The following DTNA variants were observed in gnomAD, a reference collection of about 807,000 sequenced individuals.
DTNA encodes dystrobrevin alpha.
A neutral mutation model predicts 100.7 loss-of-function variants in DTNA; 43 were observed. The ratio of observed to expected loss-of-function variants is 0.43; its 90% CI spans 0.33 to 0.55. The LOEUF (loss-of-function observed/expected upper bound fraction) is 0.55. DTNA is among the 20% of genes least tolerant of loss of function. The probability of loss-of-function intolerance (pLI) is 0.04; values close to 1 mark genes in which losing one functional copy is unlikely to be tolerated. For synonymous variants in DTNA, 349 were observed against 347.9 expected, an observed-to-expected ratio of 1.00 and a Z score of -0.04; for missense variants, 798 against 953.9, an observed-to-expected ratio of 0.84 and a Z score of 2.15.
chr18:34,786,158 A>G (rs956645640), intron 3 of DTNA, among the ~76,000 whole-genome samples: 3 of 152,224 alleles, frequency 2.0e-5, no homozygotes, highest in African/African-American at 7.2e-5. Context: ...TCGTAGGAAC[A>G]AGACAATGCT....
In DTNA at chr18:34,890,598, A is replaced by G; in HGVS notation, c.*2864A>G. 1 of 1,099,550 alleles carries G rather than the reference A, an allele frequency of 9.1e-7. No individual in the cohort carries two copies. The highest frequency in any genetic ancestry group is 1.3e-6 in the Non-Finnish European group (1 of 791,514). The allele number at this position is 1,099,550 out of a possible 1,614,324, so 68.1% of individuals were successfully genotyped here. On this transcript the variant is annotated 3_prime_UTR_variant, in exon 23 of 23. Transcript: ENST00000444659. ...GGTCTAACACAGCCAACCCTCCTCC[A>G]CAGCGCCATATTAATGGAGGAGGGG... is the stretch of plus-strand genomic sequence containing the variant.
chr18:34,726,718 CGAG>C (rs2086780005), intron 1 of DTNA, among the ~76,000 whole-genome samples: 1 of 152,230 alleles, frequency 6.6e-6, no homozygotes, highest in South Asian at 2.1e-4. Flanking sequence ...AGACTGCCAC[CGAG>C]TGGCTGCTCT....
At position 34,835,638 on chromosome 18, in the gene DTNA, A is replaced by G. The variant is rs184422678; in HGVS notation, c.1176-2456A>G. ...CCTATCGCCCCCTTCTCTCAGCCCT[A>G]CCTGTACACAGTACTGAGGCTAGGG... is the stretch of plus-strand genomic sequence containing the variant. On this transcript the variant is annotated intron_variant, in intron 11 of 22. Coordinates refer to ENST00000444659, the MANE Select transcript of DTNA (RefSeq NM_001386795.1). Among the ~76,000 whole-genome samples, 195 of 152,130 alleles carry G rather than the reference A, an allele frequency of 1.3e-3. 2 individuals are homozygous for G. The highest frequency in any genetic ancestry group is 0.01 in the Middle Eastern group (3 of 294).
chr18:34,843,142 T>C (rs1030837247), intron 13 of DTNA, among the ~76,000 whole-genome samples: 9 of 151,996 alleles, frequency 5.9e-5, no homozygotes. Context: ...AATTAGAATT[T>C]TTACTATTTA....
chr18:34,668,334 T>C (rs1568169375), intron 1 of DTNA, among the ~76,000 whole-genome samples: 2 of 152,176 alleles, frequency 1.3e-5, no homozygotes, highest in Non-Finnish European at 2.9e-5. Flanking sequence ...TTATTAGTCT[T>C]GCTAGCGGTC....
At chr18:34,501,524 A>G (rs2039923680) in intron 1 of DTNA, among the ~76,000 whole-genome samples, 1 of 152,202 alleles carries the variant, frequency 6.6e-6, no homozygotes, top group African/African-American at 2.4e-5. Context: ...AAGAGATTAC[A>G]TAGGATTCAT....
At chr18:34,549,308 A>G (rs2045145926) in intron 1 of DTNA, among the ~76,000 whole-genome samples, 1 of 152,102 alleles carries the variant, frequency 6.6e-6, no homozygotes, top group Non-Finnish European at 1.5e-5. Context: ...GTTACAAGGA[A>G]TTTACATTAT....
chr18:34,887,907 C>G lies in DTNA; in HGVS notation c.*173C>G, dbSNP rs146475795. On this transcript the variant is annotated 3_prime_UTR_variant, in exon 23 of 23. Transcript: ENST00000444659. ...AACCACCACACCCAGCAGCTCCTGA[C>G]AGACCCCCACCCCTAAAGATGTGTC... is the stretch of plus-strand genomic sequence containing the variant. The G allele has an allele frequency of 6.8e-4, 674 of 986,844 alleles. 5 individuals carry two copies. In the African/African-American group the frequency reaches 0.011, roughly 16 times the overall value. The allele number at this position is 986,844 out of a possible 1,614,324, so 61.1% of individuals were successfully genotyped here.
intron 1 of DTNA, among the ~76,000 whole-genome samples, chr18:34,654,348 C>T (rs1308293942): frequency 6.6e-6 from 1 of 152,196 alleles, no homozygotes; most frequent in Non-Finnish European, 1.5e-5. Flanking sequence ...TACTGAGTGA[C>T]AGTCGTGTAC....
intron 1 of DTNA, among the ~76,000 whole-genome samples, chr18:34,644,489 A>C (rs1183373913): frequency 1.3e-5 from 2 of 152,148 alleles, no homozygotes; most frequent in East Asian, 3.8e-4. Context: ...AAACATTTAA[A>C]TCTTACTAGG....
At chr18:34,530,769 T>A (rs566761833) in intron 1 of DTNA, among the ~76,000 whole-genome samples, 1 of 152,248 alleles carries the variant, frequency 6.6e-6, no homozygotes, top group Non-Finnish European at 1.5e-5. Context: ...GAGCCAGAAT[T>A]CAAACCAAAG....
At chr18:34,686,099 C>G (rs2078856408) in intron 1 of DTNA, among the ~76,000 whole-genome samples, 1 of 152,152 alleles carries the variant, frequency 6.6e-6, no homozygotes, top group Non-Finnish European at 1.5e-5. Flanking sequence ...GATAATTTGA[C>G]TTCCTGTCTT....
At chr18:34,707,673 T>A (rs2082286264), upstream of DTNA, among the ~76,000 whole-genome samples, 1 of 152,148 alleles carries the variant, frequency 6.6e-6, no homozygotes, top group Admixed American at 6.5e-5. Flanking sequence ...AGGTAAACAC[T>A]CCTGATGAAA....
At chr18:34,734,700 C>A (rs1829032800) in intron 1 of DTNA, among the ~76,000 whole-genome samples, 1 of 152,134 alleles carries the variant, frequency 6.6e-6, no homozygotes, top group Non-Finnish European at 1.5e-5. Context: ...TTAGAAGTAA[C>A]CAACCAGCTT....
chr18:34,655,353 G>A (rs1043777782), intron 1 of DTNA, among the ~76,000 whole-genome samples: 1 of 151,990 alleles, frequency 6.6e-6, no homozygotes, highest in Non-Finnish European at 1.5e-5. Context: ...AGCCCACCAA[G>A]GCCTCCTCCC....
At chr18:34,842,755 C>G (rs1255491092) in intron 13 of DTNA, among the ~76,000 whole-genome samples, 2 of 152,178 alleles carry the variant, frequency 1.3e-5, no homozygotes, top group Non-Finnish European at 2.9e-5. Flanking sequence ...GACACCTCCC[C>G]CAGTAGGTCC....
At chr18:34,638,360 A>G (rs754709684) in intron 1 of DTNA, among the ~76,000 whole-genome samples, 7 of 152,254 alleles carry the variant, frequency 4.6e-5, no homozygotes, top group Non-Finnish European at 7.3e-5. Context: ...GACAAGTGCT[A>G]TAATTATTTC....
chr18:34,807,095 A>T (rs945593911), intron 5 of DTNA, among the ~76,000 whole-genome samples: 1 of 152,188 alleles, frequency 6.6e-6, no homozygotes, highest in African/African-American at 2.4e-5. Context: ...TCTGGGTCCC[A>T]CCCCAAGAAT....
intron 1 of DTNA, among the ~76,000 whole-genome samples, chr18:34,517,786 C>G (rs1407599863): frequency 1.3e-5 from 2 of 152,066 alleles, no homozygotes; most frequent in Non-Finnish European, 2.9e-5. Context: ...ATAGTTCATT[C>G]CTTTTAATTT....
Sources: gnomAD v4.1 joint callset for allele counts (sites outside exome capture counted in the v4.1 genomes callset) on GRCh38, gnomAD v4.1.1 for gene constraint, MANE v1.5 for transcripts, NCBI Gene and HGNC (gene_info 2026-07-23, HGNC 2026-07-21) for gene names.